Variants in UTP6 observed in about 807,000 individuals in gnomAD.
The protein encoded by UTP6 is U3 small nucleolar RNA-associated protein 6 homolog.
In UTP6, 60 loss-of-function variants were observed where a neutral mutation model predicts 96.5. That is an observed-to-expected ratio of 0.62 (90% CI 0.51 to 0.77). The LOEUF is 0.77. Among genes scored for constraint, UTP6 ranks in the 30% least tolerant of loss-of-function variants. The pLI is 0.00. For synonymous variants in UTP6, 215 were observed against 240.1 expected (o/e 0.90, Z 0.96); for missense variants, 637 against 706.5 (o/e 0.90, Z 1.12).
intron 17 of UTP6, among the ~76,000 whole-genome samples, chr17:31,866,232 A>G (rs1909805486): frequency 6.7e-6 from 1 of 148,164 alleles, no homozygotes; most frequent in Admixed American, 6.8e-5. Context: ...GCTTGCAGTG[A>G]GCCGAGATCG....
chr17:31,890,286 G>A (rs1018942632), intron 6 of UTP6, among the ~76,000 whole-genome samples: 3 of 150,998 alleles, frequency 2.0e-5, no homozygotes, highest in Admixed American at 6.6e-5. Context: ...ATAAGCCACC[G>A]TGCCTGGCCC....
chr17:31,874,156 C>T lies in UTP6; in HGVS notation c.1306-403G>A, dbSNP rs183284652. On this transcript the variant is annotated intron_variant, in intron 14 of 18. Transcript: ENST00000261708. Reference sequence around the variant, plus strand: ...CCACACAGTTAGACCCACAGCTACCCAGGTCATGTCTCTGCTGTCTAAGAC... The same window carrying T: ...CCACACAGTTAGACCCACAGCTACCTAGGTCATGTCTCTGCTGTCTAAGAC... 43 of 191,476 alleles carry T rather than the reference C, an allele frequency of 2.2e-4. No individual in the cohort carries two copies. The East Asian group carries it at 3.3e-3, about 15-fold the overall frequency. The allele number at this position is 191,476 out of a possible 1,614,324, so 11.9% of individuals were successfully genotyped here. A position where few individuals can be genotyped will look rare whatever the true frequency, so the allele number is the denominator to read the frequency against.
intron 2 of UTP6, among the ~76,000 whole-genome samples, chr17:31,897,018 G>T (rs2142326624): frequency 6.6e-6 from 1 of 151,934 alleles, no homozygotes; most frequent in South Asian, 2.1e-4. Context: ...GGGCACACTG[G>T]CTCAAGTCTG....
chr17:31,892,643 C>T, intron 5 of UTP6, 104 bp downstream of exon 5: 1 of 1,411,796 alleles, frequency 7.1e-7, no homozygotes, highest in Non-Finnish European at 9.8e-7. Context: ...GTTCTTTTTT[C>T]ATGTTAACCC....
intron 16 of UTP6, 102 bp downstream of exon 16, chr17:31,873,276 A>G: frequency 8.8e-7 from 1 of 1,131,090 alleles, no homozygotes; most frequent in Non-Finnish European, 1.3e-6. Context: ...AAAGTGTATC[A>G]GATTACTCCC....
intron 17 of UTP6, chr17:31,866,743 G>A (rs988823603): frequency 7.1e-6 from 1 of 140,782 alleles, no homozygotes; most frequent in African/African-American, 2.6e-5. Flanking sequence ...AAATTAGCCA[G>A]GTGCGGTGGC....
intron 2 of UTP6, among the ~76,000 whole-genome samples, chr17:31,896,875 A>C (rs2142326447): frequency 6.6e-6 from 1 of 151,782 alleles, no homozygotes; most frequent in African/African-American, 2.4e-5. Flanking sequence ...GGCTCAAGCG[A>C]TCTGCCTGTC....
chr17:31,878,589 G>T, intron 12 of UTP6, 113 bp downstream of exon 12: 1 of 1,061,628 alleles, frequency 9.4e-7, no homozygotes, highest in Non-Finnish European at 1.4e-6. Context: ...AGAGAGAGTG[G>T]CTAAACATAA....
chr17:31,892,360 A>G, intron 5 of UTP6, 37 bp from the exon 6 acceptor site: 1 of 1,583,934 alleles, frequency 6.3e-7, no homozygotes, highest in South Asian at 1.1e-5. Context: ...TCCTGCACAG[A>G]TAAATCATTG....
intron 2 of UTP6, among the ~76,000 whole-genome samples, chr17:31,898,214 C>A (rs1340927710): frequency 6.6e-6 from 1 of 152,088 alleles, no homozygotes; most frequent in Non-Finnish European, 1.5e-5. Context: ...ATCTAATGAA[C>A]GTTTCTGGAA....
chr17:31,878,642 C>G, intron 12 of UTP6, 60 bp downstream of exon 12: 1 of 1,488,134 alleles, frequency 6.7e-7, no homozygotes, highest in Non-Finnish European at 9.3e-7. Context: ...ATCTGTGCTT[C>G]TGTTCTTTCA....
chr17:31,892,214 T>G lies in UTP6; in HGVS notation c.424+46A>C, dbSNP rs762670214. 3.5e-5 allele frequency: 56 copies of G among 1,596,480 alleles called. 6 individuals carry two copies. The South Asian group carries it at 6.2e-4, about 18-fold the overall frequency. On this transcript the variant is annotated intron_variant, in intron 6 of 18. Transcript: ENST00000261708. ...AATCGAAATAAAATCCAAAATGGCTTGAGTCTAAATAAAACATAGAAAAAT... is the reference window on the plus strand; with the variant it reads ...AATCGAAATAAAATCCAAAATGGCTGGAGTCTAAATAAAACATAGAAAAAT...
In UTP6 at chr17:31,863,066, A is replaced by G. The variant is rs1289681606; in HGVS notation, c.*293T>C. On this transcript the variant is annotated 3_prime_UTR_variant, in exon 19 of 19. Coordinates refer to ENST00000261708, the MANE Select transcript of UTP6 (RefSeq NM_018428.3). ...GGAATCAGATTAGCACATCAAACTGAGCAGTGTCATGCACCTATAATCCCA... is the reference window on the plus strand; with the variant it reads ...GGAATCAGATTAGCACATCAAACTGGGCAGTGTCATGCACCTATAATCCCA... 5 of 338,116 alleles carry G rather than the reference A, an allele frequency of 1.5e-5. No individual in the cohort carries two copies. Among genetic ancestry groups the G allele is most frequent in the African/African-American group, 1.0e-4 (5 of 47,932 alleles). 20.9% of individuals were successfully genotyped at this position (338,116 alleles called of 1,614,324 possible). A position where few individuals can be genotyped will look rare whatever the true frequency, so the allele number is the denominator to read the frequency against.
intron 10 of UTP6, among the ~76,000 whole-genome samples, chr17:31,881,941 T>C (rs576414735): frequency 2.0e-5 from 3 of 152,252 alleles, no homozygotes; most frequent in South Asian, 4.1e-4. Context: ...CAATAGTCCA[T>C]CCCAAAGTGT....
chr17:31,894,521 C>T, intron 4 of UTP6, 124 bp downstream of exon 4: 7 of 656,922 alleles, frequency 1.1e-5, no homozygotes, highest in South Asian at 2.2e-5. Flanking sequence ...GTAATGATAC[C>T]ATCATTAGAG....
chr17:31,876,625 C>T (rs1190227028), intron 13 of UTP6, among the ~76,000 whole-genome samples: 1 of 151,726 alleles, frequency 6.6e-6, no homozygotes, highest in Admixed American at 6.6e-5. Context: ...GCCTGGGCAA[C>T]AAGAGCGAAA....
chr17:31,898,479 C>A (rs902902249), intron 2 of UTP6, among the ~76,000 whole-genome samples: 1 of 151,312 alleles, frequency 6.6e-6, no homozygotes, highest in Admixed American at 6.6e-5. Context: ...GAGCCGAGAT[C>A]GCACCACTGC....
intron 7 of UTP6, chr17:31,888,047 T>C (rs1171974991): frequency 1.4e-5 from 2 of 147,790 alleles, no homozygotes; most frequent in Non-Finnish European, 3.0e-5. Context: ...CAGCTTCCAA[T>C]ACATTCTTTC....
At chr17:31,868,249 G>T in intron 16 of UTP6, 137 bp from the exon 17 acceptor site, 1 of 591,122 alleles carries the variant, frequency 1.7e-6, no homozygotes, top group Non-Finnish European at 2.8e-6. Context: ...GCAAGGACTT[G>T]ACCTGATGGC....
Sources: gnomAD v4.1 joint callset for allele counts (sites outside exome capture counted in the v4.1 genomes callset) on GRCh38, gnomAD v4.1.1 for gene constraint, MANE v1.5 for transcripts, NCBI Gene and HGNC (gene_info 2026-07-23, HGNC 2026-07-21) for gene names.